Variants in TACC2 observed in about 807,000 individuals in gnomAD.
The protein encoded by TACC2 is transforming acidic coiled-coil containing protein 2.
Under a neutral mutation model 227.3 loss-of-function variants are expected in TACC2, and 137 were observed. The observed-to-expected ratio is 0.60, with a 90% CI of 0.52 to 0.69. The LOEUF (loss-of-function observed/expected upper bound fraction) is 0.69. Ranked by LOEUF, TACC2 falls within the 30% of genes least tolerant of loss-of-function variation. The pLI is 0.00. For synonymous variants in TACC2, 1,523 were observed against 1,487.5 expected, an observed-to-expected ratio of 1.02 and a Z score of -0.55; for missense variants, 3,470 against 3,694.4, an observed-to-expected ratio of 0.94 and a Z score of 1.57.
intron 3 of TACC2, among the ~76,000 whole-genome samples, chr10:122,056,903 A>G (rs1438836607): frequency 1.3e-5 from 2 of 152,142 alleles, no homozygotes; most frequent in Non-Finnish European, 2.9e-5. Flanking sequence ...CTTTTAAACA[A>G]GGGCTGGGCT....
chr10:122,134,928 G>C (rs2138950958), intron 6 of TACC2, among the ~76,000 whole-genome samples: 1 of 152,296 alleles, frequency 6.6e-6, no homozygotes, highest in Admixed American at 6.5e-5. Context: ...ACTTGTCCCA[G>C]GCTCCATAGT....
At chr10:122,147,749 T>C (rs2091561584) in intron 7 of TACC2, among the ~76,000 whole-genome samples, 1 of 152,202 alleles carries the variant, frequency 6.6e-6, no homozygotes, top group African/African-American at 2.4e-5. Flanking sequence ...GGCTTTCTTT[T>C]AAGAGTGTCC....
At chr10:122,131,740 G>A (rs2088148160) in intron 5 of TACC2, among the ~76,000 whole-genome samples, 1 of 152,110 alleles carries the variant, frequency 6.6e-6, no homozygotes. Flanking sequence ...GCTACAGAGG[G>A]GCCAGGCGTG....
chr10:122,241,803 C>T (rs1458807655), intron 18 of TACC2, 155 bp from the exon 19 acceptor site: 2 of 707,914 alleles, frequency 2.8e-6, no homozygotes, highest in South Asian at 3.2e-5. Flanking sequence ...GAGTCACGCA[C>T]CAGGAAAATG....
At chr10:122,151,558 G>T (rs964618942) in intron 7 of TACC2, among the ~76,000 whole-genome samples, 7 of 152,284 alleles carry the variant, frequency 4.6e-5, no homozygotes, top group African/African-American at 1.7e-4. Context: ...CCTGCAGCCA[G>T]ACTGGGGAGT....
intron 3 of TACC2, among the ~76,000 whole-genome samples, chr10:122,062,055 C>T (rs1165152856): frequency 3.7e-4 from 37 of 99,564 alleles, no homozygotes; most frequent in Middle Eastern, 0.013. Context: ...TTTTTTGAGA[C>T]GGAGTCTCGC....
At chr10:122,113,069 C>G (rs2083926705) in intron 5 of TACC2, 1 of 152,328 alleles carries the variant, frequency 6.6e-6, no homozygotes, top group South Asian at 2.1e-4. Context: ...GGCCCTGCGC[C>G]GTTGTCCCGG....
At chr10:122,156,984 C>T (rs957480946) in intron 7 of TACC2, among the ~76,000 whole-genome samples, 4 of 152,064 alleles carry the variant, frequency 2.6e-5, no homozygotes, top group Admixed American at 6.5e-5. Flanking sequence ...TGGTGGCACA[C>T]GTCTGTGGTC....
intron 18 of TACC2, among the ~76,000 whole-genome samples, chr10:122,239,491 G>A (rs539570965): frequency 1.1e-4 from 16 of 152,296 alleles, no homozygotes; most frequent in African/African-American, 3.9e-4. Context: ...TGAGCCTAGC[G>A]TGCTATTTCA....
intron 7 of TACC2, among the ~76,000 whole-genome samples, chr10:122,155,999 G>A (rs572544418): frequency 2.0e-5 from 3 of 151,566 alleles, no homozygotes; most frequent in African/African-American, 4.8e-5. Flanking sequence ...CACCACGCCC[G>A]GCTAATTTTT....
rs527717594 is a variant in TACC2 at position 122,200,005 on chromosome 10, A to G, written c.5971+4829A>G. ...CATCACCTTATATGAGGATTTCAAC[A>G]TAGGAATTTCGGGGACACACACATT... On this transcript the variant is annotated intron_variant, in intron 8 of 22. Coordinates refer to ENST00000369005, the MANE Select transcript of TACC2 (RefSeq NM_206862.4). Among the ~76,000 whole-genome samples the G allele has an allele frequency of 2.0e-5, 3 of 152,282 alleles. No individual in the cohort carries two copies. The South Asian group carries it at 6.2e-4, about 32-fold the overall frequency.
rs987162634 is a variant in TACC2 at position 122,205,156 on chromosome 10, C to T, written c.5972-5241C>T. ...CCCACAGTGCCTCGACGGCACTTTT[C>T]CCTCTTGGTTTCTGGGAATTGAACA... On this transcript the variant is annotated intron_variant, in intron 8 of 22. Transcript: ENST00000369005. This position sits in a 1 kb window ranked among gnomAD's most constrained non-coding sequence, Gnocchi z 4.5. 1.3e-5 allele frequency among the ~76,000 whole-genome samples: 2 copies of T among 152,196 alleles called. No individual in the cohort carries two copies. Among genetic ancestry groups the T allele is most frequent in the African/African-American group, 4.8e-5 (2 of 41,454 alleles).
chr10:122,227,804 A>G, intron 13 of TACC2, 33 bp from the exon 14 acceptor site: 1 of 1,586,296 alleles, frequency 6.3e-7, no homozygotes, highest in Non-Finnish European at 8.6e-7. Context: ...CCCAATGAGA[A>G]GACTAAAGAA....
At position 122,164,025 on chromosome 10, in the gene TACC2, C is replaced by A. The variant is rs1411729157; in HGVS notation, c.5834+20319C>A. 4 of 1,560,584 alleles carry A rather than the reference C, an allele frequency of 2.6e-6. No homozygotes were observed. In the East Asian group the frequency reaches 7.3e-5, roughly 28 times the overall value. On this transcript the variant is annotated intron_variant, in intron 7 of 22. Transcript: ENST00000369005. ...CTCCGCCCGGGCCGCCCCGAGTCTCCCGGGGAGGAGGAGAGGATGCCCGGG... is the reference window on the plus strand; with the variant it reads ...CTCCGCCCGGGCCGCCCCGAGTCTCACGGGGAGGAGGAGAGGATGCCCGGG...
chr10:122,188,470 A>G (rs956234381), intron 7 of TACC2, among the ~76,000 whole-genome samples: 2 of 151,338 alleles, frequency 1.3e-5, no homozygotes, highest in Non-Finnish European at 2.9e-5. Context: ...CTTTTTTTTT[A>G]GTAGAGATGG....
At chr10:122,107,304 G>A (rs568355033) in intron 5 of TACC2, among the ~76,000 whole-genome samples, 1 of 152,206 alleles carries the variant, frequency 6.6e-6, no homozygotes, top group East Asian at 1.9e-4. Flanking sequence ...GGAGGCCGAG[G>A]CGCGTGGATC....
rs900021879 is a variant in TACC2, at chr10:122,005,089, AT to A, written c.-46+15611del. 2.9e-3 allele frequency among the ~76,000 whole-genome samples: 431 copies of A among 148,538 alleles called. 1 individual carries two copies. Among genetic ancestry groups the A allele is most frequent in the African/African-American group, 0.01 (408 of 40,558 alleles). On this transcript the variant is annotated intron_variant, in intron 1 of 22. Transcript: ENST00000369005. The stretch of plus-strand genomic sequence containing the variant: ...TCAGTAAGTTACTGTATTTTATTTT[AT>A]TTTTTTTTTGAGACAGAGTCTCACC...
In TACC2 at chr10:122,083,678, C is replaced by T. The variant is rs1426487505; in HGVS notation, c.1178C>T (p.Ala393Val). Reference sequence around the variant, plus strand: ...CCCAATCAAGTTGTCTGTGTGGCAGCAGGCGGCCAGCCCGAAGGGGGTTTG... The same window carrying T: ...CCCAATCAAGTTGTCTGTGTGGCAGTAGGCGGCCAGCCCGAAGGGGGTTTG... ...TKPNQVVCVA[A>V]GGQPEGGLPV... is the part of the protein sequence containing the mutation. Residue 393 changes from alanine (A) to valine (V), a missense_variant, in exon 4 of 23, where the codon GCA (alanine) becomes GTA (valine). Around this residue, in one of 10 missense-constraint regions of TACC2, gnomAD observed 1,924 missense variants for 1,978.3 expected, o/e 0.97. Coordinates refer to ENST00000369005, the MANE Select transcript of TACC2 (RefSeq NM_206862.4). 35 of 1,612,068 alleles carry T rather than the reference C, an allele frequency of 2.2e-5. No individual in the cohort carries two copies. Among genetic ancestry groups the T allele is most frequent in the Non-Finnish European group, 3.0e-5 (35 of 1,180,046 alleles).
intron 3 of TACC2, among the ~76,000 whole-genome samples, chr10:122,073,572 A>T (rs913077664): frequency 1.3e-5 from 2 of 152,158 alleles, no homozygotes; most frequent in African/African-American, 4.8e-5. Flanking sequence ...TCTGTGGCCC[A>T]TCATCCTACT....
Sources: allele counts gnomAD v4.1 joint callset (sites outside exome capture counted in the v4.1 genomes callset), GRCh38; gene constraint gnomAD v4.1.1; regional missense constraint gnomAD v4.1.1; non-coding constraint Gnocchi (gnomAD v3.1); transcripts MANE v1.5; gene names NCBI Gene and HGNC (gene_info 2026-07-23, HGNC 2026-07-21).